FAAH2: variants seen among roughly 807,000 people sequenced by gnomAD.
FAAH2 encodes the protein fatty acid amide hydrolase 2, also known as fatty-acid amide hydrolase 2.
A neutral mutation model predicts 36.9 loss-of-function variants in FAAH2; 60 were observed. The ratio of observed to expected loss-of-function variants is 1.63; its 90% CI spans 1.32 to 2.02. The LOEUF (loss-of-function observed/expected upper bound fraction) is 2.02, where lower values mean the gene tolerates loss of function less well. Among genes scored for constraint, FAAH2 ranks in the 30% most tolerant of loss-of-function variants. The probability of loss-of-function intolerance (pLI) is 0.00; values close to 1 mark genes in which losing one functional copy is unlikely to be tolerated. For synonymous variants in FAAH2, 214 were observed against 143.8 expected (o/e 1.49, Z -3.49); for missense variants, 689 against 397.5 (o/e 1.73, Z -6.23).
chrX:57,159,825 T>C, the FAAH2 span, among the ~76,000 whole-genome samples: 4 of 111,583 alleles, frequency 3.6e-5, no homozygotes, highest in Admixed American at 3.8e-4. Flanking sequence ...ATGAATGCCC[T>C]TTATTTCCTT....
intron 8 of FAAH2, among the ~76,000 whole-genome samples, chrX:57,439,748 G>A (rs1374064373): frequency 8.9e-6 from 1 of 111,952 alleles, no homozygotes; most frequent in East Asian, 2.8e-4. Context: ...TAACGTTTAA[G>A]TCTTTAATCC....
chrX:57,290,239 C>T, intron 1 of FAAH2: 1 of 734,579 alleles, frequency 1.4e-6, no homozygotes, highest in African/African-American at 2.4e-5. Context: ...GCTACAAACT[C>T]AATTACGGTA....
At chrX:57,134,472 A>T in the FAAH2 span, 6 of 110,772 alleles carry the variant, frequency 5.4e-5, no homozygotes, top group Admixed American at 9.6e-5. Flanking sequence ...GGTCGGAGCC[A>T]CCTATGGTTT....
intron 7 of FAAH2, among the ~76,000 whole-genome samples, chrX:57,428,983 C>A (rs943867045): frequency 9.0e-6 from 1 of 111,362 alleles, no homozygotes; most frequent in South Asian, 3.7e-4. Flanking sequence ...AACAATACAT[C>A]CAATAAAATA....
intron 8 of FAAH2, among the ~76,000 whole-genome samples, chrX:57,438,014 CAT>C (rs1001396849): frequency 2.9e-5 from 3 of 102,152 alleles, no homozygotes; most frequent in Admixed American, 2.2e-4. Flanking sequence ...TATGTATACA[CAT>C]ATGTACATAT....
chrX:57,330,591 C>T (rs1433650336), intron 3 of FAAH2, among the ~76,000 whole-genome samples: 1 of 110,968 alleles, frequency 9.0e-6, no homozygotes, highest in Non-Finnish European at 1.9e-5. Context: ...TGACCCACAC[C>T]CTATTTGTAT....
At chrX:57,162,663 G>A in the FAAH2 span, among the ~76,000 whole-genome samples, 58 of 111,915 alleles carry the variant, frequency 5.2e-4, no homozygotes, top group African/African-American at 1.9e-3. Context: ...CGGCTCCTGA[G>A]GCTTCTGCAT....
At chrX:57,270,179 T>G in the FAAH2 span, among the ~76,000 whole-genome samples, 1 of 111,632 alleles carries the variant, frequency 9.0e-6, no homozygotes, top group Middle Eastern at 4.6e-3. Flanking sequence ...AGAAATTGAA[T>G]TCCTGAACAG....
intron 10 of FAAH2, among the ~76,000 whole-genome samples, chrX:57,480,397 C>T (rs1033747853): frequency 4.5e-5 from 5 of 111,855 alleles, no homozygotes; most frequent in Middle Eastern, 4.6e-3. Context: ...AGCAGCACGT[C>T]GAAAACCTTC....
At chrX:57,199,325 C>A in the FAAH2 span, among the ~76,000 whole-genome samples, 4 of 110,803 alleles carry the variant, frequency 3.6e-5, no homozygotes, top group African/African-American at 1.3e-4. Context: ...ATTTCCTTCT[C>A]AATTTTTTTA....
chrX:57,387,636 G>A (rs1227906135), intron 7 of FAAH2, among the ~76,000 whole-genome samples: 6 of 111,146 alleles, frequency 5.4e-5, no homozygotes, highest in Non-Finnish European at 9.5e-5. Flanking sequence ...TGAGTTGTTG[G>A]TGGATAGATC....
At chrX:57,149,498 G>T in the FAAH2 span, among the ~76,000 whole-genome samples, 1 of 111,659 alleles carries the variant, frequency 9.0e-6, no homozygotes, top group Non-Finnish European at 1.9e-5. Flanking sequence ...GGGTGTATGT[G>T]TCGAGGAATT....
At chrX:57,368,955 A>G (rs756011331) in intron 5 of FAAH2, among the ~76,000 whole-genome samples, 1 of 110,045 alleles carries the variant, frequency 9.1e-6, no homozygotes, top group East Asian at 2.9e-4. Context: ...AAGAGTACAC[A>G]GACACACACT....
chrX:57,253,687 G>A, the FAAH2 span, among the ~76,000 whole-genome samples: 2 of 111,300 alleles, frequency 1.8e-5, no homozygotes, highest in South Asian at 7.5e-4. Context: ...TAAGTGAAGA[G>A]GAATAAAATT....
At chrX:57,168,385 T>TAC in the FAAH2 span, among the ~76,000 whole-genome samples, 4,211 of 104,539 alleles carry the variant, frequency 0.04, 150 homozygotes, top group African/African-American at 0.12. Flanking sequence ...ATATGTGTGT[T>TAC]ACACACACAC....
At chrX:57,180,815 GC>G in the FAAH2 span, among the ~76,000 whole-genome samples, 1 of 111,220 alleles carries the variant, frequency 9.0e-6, no homozygotes, top group Non-Finnish European at 1.9e-5. Flanking sequence ...TCAAAACCTA[GC>G]AGAAATACAA....
chrX:57,449,743 T>A lies in FAAH2; in HGVS notation c.1423+1025T>A, dbSNP rs2056750207. Among the ~76,000 whole-genome samples the A allele has an allele frequency of 3.6e-5, 4 of 110,874 alleles. No individual in the cohort carries two copies. In the South Asian group the frequency reaches 1.5e-3, roughly 43 times the overall value. On this transcript the variant is annotated intron_variant, in intron 10 of 10. Transcript: ENST00000374900. The stretch of plus-strand genomic sequence containing the variant: ...ATGCAATGGCACAAGCTCGGCTCAC[T>A]GCAACCTCCACCTCCTAGGTTCAAG...
Position 57,394,213 on chromosome X carries a change from C to T in FAAH2, c.996+13184C>T, listed in dbSNP as rs2055237057. The T allele has an allele frequency of 4.2e-5, 28 of 662,868 alleles. No individual in the cohort carries two copies. In the South Asian group the frequency reaches 6.1e-4, roughly 14 times the overall value. The allele number at this position is 662,868 out of a possible 1,213,427, so 54.6% of individuals were successfully genotyped here. On this transcript the variant is annotated intron_variant, in intron 7 of 10. Coordinates refer to ENST00000374900, the MANE Select transcript of FAAH2 (RefSeq NM_174912.4). ...TTCCAAAGGTGGGGCCCTGAGAAGG[C>T]TGTCGCACACACATAAAAAAGTTCT...
rs755188870 is a variant in FAAH2, at chrX:57,413,473, A to G, written c.997-18445A>G. 2.0e-3 allele frequency among the ~76,000 whole-genome samples: 227 copies of G among 111,951 alleles called. 1 individual carries two copies. Among genetic ancestry groups the G allele is most frequent in the Non-Finnish European group, 3.8e-3 (203 of 53,156 alleles). The stretch of plus-strand genomic sequence containing the variant: ...CAGTTTTCACAGCACTATTTATTTA[A>G]TAGGGAATCCTTTCCCCATTGCTTG... On this transcript the variant is annotated intron_variant, in intron 7 of 10. Coordinates refer to ENST00000374900, the MANE Select transcript of FAAH2 (RefSeq NM_174912.4).
Sources: allele counts gnomAD v4.1 joint callset (sites outside exome capture counted in the v4.1 genomes callset), GRCh38; gene constraint gnomAD v4.1.1; transcripts MANE v1.5; gene names NCBI Gene and HGNC (gene_info 2026-07-23, HGNC 2026-07-21).